The following FRMD4A variants were observed in gnomAD, a reference collection of about 807,000 sequenced individuals.
FRMD4A encodes the protein FERM domain containing 4A.
In FRMD4A, 29 loss-of-function variants were observed where a neutral mutation model predicts 129.1. That is an observed-to-expected ratio of 0.22 (90% CI 0.17 to 0.31). FRMD4A has a LOEUF of 0.31. FRMD4A is among the 10% of genes least tolerant of loss of function. The pLI, the probability that FRMD4A is intolerant of heterozygous loss-of-function variation, is 1.00. For synonymous variants in FRMD4A, 634 were observed against 571.6 expected (o/e 1.11, Z -1.56); for missense variants, 1,272 against 1,375.8 (o/e 0.92, Z 1.19).
chr10:13,863,055 G>C (rs566002347), intron 2 of FRMD4A, among the ~76,000 whole-genome samples: 2 of 151,794 alleles, frequency 1.3e-5, no homozygotes, highest in East Asian at 1.9e-4. Flanking sequence ...ATGTCAACTG[G>C]CAACCATTCC....
intron 2 of FRMD4A, among the ~76,000 whole-genome samples, chr10:14,049,776 A>G (rs1394348007): frequency 6.6e-6 from 1 of 152,090 alleles, no homozygotes; most frequent in African/African-American, 2.4e-5. Flanking sequence ...AATCGCTTGA[A>G]CCGTGGAGGC....
At chr10:13,658,979 T>C (rs2082412176) in intron 21 of FRMD4A, among the ~76,000 whole-genome samples, 2 of 151,890 alleles carry the variant, frequency 1.3e-5, no homozygotes, top group South Asian at 4.2e-4. Flanking sequence ...TTTGAGGCAC[T>C]AAAGGAAGTC....
intron 14 of FRMD4A, 80 bp downstream of exon 14, chr10:13,701,260 C>A: frequency 7.3e-7 from 1 of 1,362,878 alleles, no homozygotes. Flanking sequence ...CATGGCGCCT[C>A]CCCCACCCAT....
intron 8 of FRMD4A, among the ~76,000 whole-genome samples, chr10:13,750,076 GA>G (rs2091506792): frequency 1.4e-5 from 1 of 72,344 alleles, no homozygotes; most frequent in African/African-American, 4.6e-5. Context: ...AAGGAAGAAA[GA>G]AAGAAAGAAA....
chr10:14,093,315 CTT>C (rs1006235102), intron 2 of FRMD4A, among the ~76,000 whole-genome samples: 7 of 152,156 alleles, frequency 4.6e-5, no homozygotes, highest in African/African-American at 1.7e-4. Context: ...ATTTTAGTGT[CTT>C]TTAATAAATT....
chr10:13,730,702 T>A (rs1247852020), intron 12 of FRMD4A, among the ~76,000 whole-genome samples: 1 of 151,332 alleles, frequency 6.6e-6, no homozygotes, highest in East Asian at 1.9e-4. Flanking sequence ...TAAAATAGGG[T>A]ACAACAATTG....
At chr10:14,076,104 G>C (rs1001703110) in intron 2 of FRMD4A, among the ~76,000 whole-genome samples, 2 of 152,116 alleles carry the variant, frequency 1.3e-5, no homozygotes, top group African/African-American at 4.8e-5. Flanking sequence ...TTACTACAAG[G>C]CTGGCTCACT....
chr10:13,836,755 C>CTTT lies in FRMD4A; in HGVS notation c.111+22089_111+22091dup, dbSNP rs35995042. ...TTCACTCCAGGGTTCCTCAGTGGTTCTTTTTTTTTTTTTTTTTTTTGAGAC... is the reference window on the plus strand; with the variant it reads ...TTCACTCCAGGGTTCCTCAGTGGTTCTTTTTTTTTTTTTTTTTTTTTTTGAGAC... On this transcript the variant is annotated intron_variant, in intron 3 of 24. Transcript: ENST00000357447. 2.1e-3 allele frequency among the ~76,000 whole-genome samples: 228 copies of CTTT among 109,980 alleles called. 6 individuals are homozygous for CTTT. The highest frequency in any genetic ancestry group is 4.2e-3 in the African/African-American group (114 of 27,238). The allele number at this position is 109,980 out of a possible 152,430, so 72.2% of individuals were successfully genotyped here.
At chr10:14,205,061 C>CT (rs57239612) in intron 2 of FRMD4A, among the ~76,000 whole-genome samples, 23 of 97,558 alleles carry the variant, frequency 2.4e-4, no homozygotes, top group African/African-American at 5.1e-4. Context: ...TCTTTTCTTT[C>CT]TTTTTTTTTT....
At chr10:13,740,326 CAT>C in intron 10 of FRMD4A, 75 bp from the exon 11 acceptor site, 1 of 1,042,418 alleles carries the variant, frequency 9.6e-7, no homozygotes, top group Non-Finnish European at 1.5e-6. Flanking sequence ...GATCTGGTAT[CAT>C]ATATATATTT....
chr10:13,949,253 T>C (rs992296792), intron 2 of FRMD4A, among the ~76,000 whole-genome samples: 2 of 140,252 alleles, frequency 1.4e-5, no homozygotes, highest in African/African-American at 2.8e-5. Flanking sequence ...TTGGCCCTGG[T>C]ATGGGTGAAT....
In FRMD4A at chr10:14,002,573, G is replaced by A. The variant is rs184272478; in HGVS notation, c.46-143661C>T. Among the ~76,000 whole-genome samples the A allele has an allele frequency of 1.2e-4, 18 of 152,246 alleles. No homozygotes were observed. The East Asian group carries it at 3.5e-3, about 29-fold the overall frequency. Reference sequence around the variant, plus strand: ...ATTTCATTCATTCTGTCATCTAGTGGATATTTATTGCACTCCTGTTATGAA... The same window carrying A: ...ATTTCATTCATTCTGTCATCTAGTGAATATTTATTGCACTCCTGTTATGAA... On this transcript the variant is annotated intron_variant, in intron 2 of 24. Coordinates refer to ENST00000357447, the MANE Select transcript of FRMD4A (RefSeq NM_018027.5).
chr10:14,027,221 G>A (rs969061505), intron 2 of FRMD4A, among the ~76,000 whole-genome samples: 2 of 152,204 alleles, frequency 1.3e-5, no homozygotes, highest in South Asian at 2.1e-4. Flanking sequence ...ATGGACAAGG[G>A]ATCAGACCTT....
At chr10:13,885,678 C>T (rs959151072) in intron 2 of FRMD4A, among the ~76,000 whole-genome samples, 3 of 152,178 alleles carry the variant, frequency 2.0e-5, no homozygotes, top group African/African-American at 7.2e-5. Flanking sequence ...GCCCTGCAGC[C>T]GTGGCTGCAG....
intron 2 of FRMD4A, among the ~76,000 whole-genome samples, chr10:14,085,887 C>A (rs141464578): frequency 1.2e-4 from 18 of 152,242 alleles, no homozygotes; most frequent in East Asian, 5.8e-4. Context: ...TTCTGGACTG[C>A]GGCAGGCATA....
intron 19 of FRMD4A, among the ~76,000 whole-genome samples, chr10:13,661,234 G>T (rs1187931746): frequency 1.3e-5 from 2 of 152,184 alleles, no homozygotes; most frequent in Admixed American, 6.5e-5. Flanking sequence ...CCTGCCTCCA[G>T]GAAAGAAATG....
chr10:14,164,730 A>C (rs377438050), intron 2 of FRMD4A, among the ~76,000 whole-genome samples: 6 of 152,292 alleles, frequency 3.9e-5, no homozygotes, highest in African/African-American at 1.4e-4. Context: ...ATGGTTTTGC[A>C]TCTATAAAAT....
chr10:14,075,029 TATGAATTA>T (rs1169565319), intron 2 of FRMD4A, among the ~76,000 whole-genome samples: 2 of 142,444 alleles, frequency 1.4e-5, no homozygotes, highest in African/African-American at 5.7e-5. Context: ...AAGATGTCCT[TATGAATTA>T]AAAAAGCAAG....
At chr10:13,838,095 T>G (rs888611520) in intron 3 of FRMD4A, among the ~76,000 whole-genome samples, 14 of 152,084 alleles carry the variant, frequency 9.2e-5, no homozygotes, top group African/African-American at 3.4e-4. Flanking sequence ...TATCTCTTTA[T>G]TTAGTTATTT....
Sources: allele counts gnomAD v4.1 joint callset (sites outside exome capture counted in the v4.1 genomes callset), GRCh38; gene constraint gnomAD v4.1.1; transcripts MANE v1.5; gene names NCBI Gene and HGNC (gene_info 2026-07-23, HGNC 2026-07-21).